The following DLGAP1 variants were observed in gnomAD, a reference collection of about 807,000 sequenced individuals.
The protein encoded by DLGAP1 is DLG associated protein 1, also known as disks large-associated protein 1.
A neutral mutation model predicts 90.8 loss-of-function variants in DLGAP1; 11 were observed. The ratio of observed to expected loss-of-function variants is 0.12; its 90% confidence interval spans 0.08 to 0.20. The LOEUF is 0.20. DLGAP1 is among the 10% of genes least tolerant of loss of function. The pLI is 1.00. For synonymous variants in DLGAP1, 558 were observed against 540.7 expected, an observed-to-expected ratio of 1.03 and a Z score of -0.44; for missense variants, 1,050 against 1,333.8, an observed-to-expected ratio of 0.79 and a Z score of 3.31.
At chr18:4,165,896 C>A (rs2076925174) in intron 1 of DLGAP1, among the ~76,000 whole-genome samples, 1 of 152,150 alleles carries the variant, frequency 6.6e-6, no homozygotes, top group South Asian at 2.1e-4. Flanking sequence ...GTGACTCATG[C>A]TTGTAATCTT....
At position 4,151,229 on chromosome 18, in the gene DLGAP1, C is replaced by T. The variant is rs947680935; in HGVS notation, c.-208G>A. 1 of 152,104 alleles carries T rather than the reference C, an allele frequency of 6.6e-6. No individual in the cohort carries two copies. The highest frequency in any genetic ancestry group is 2.4e-5 in the African/African-American group (1 of 41,416). The allele number at this position is 152,104 out of a possible 1,614,324, so 9.4% of individuals were successfully genotyped here. A position where few individuals can be genotyped will look rare whatever the true frequency, so the allele number is the denominator to read the frequency against. On this transcript the variant is annotated 5_prime_UTR_variant, in exon 2 of 13. Coordinates refer to ENST00000315677, the MANE Select transcript of DLGAP1 (RefSeq NM_004746.4). ...CCTTGCTTCCGAGTCAGGAAAAGAT[C>T]CAAATTGCAGGCTTTTTTTTAACCT...
At chr18:3,705,591 A>G (rs1416912060) in intron 7 of DLGAP1, among the ~76,000 whole-genome samples, 1 of 151,612 alleles carries the variant, frequency 6.6e-6, no homozygotes, top group East Asian at 1.9e-4. Context: ...ACACAATTCC[A>G]GACTCAAAAT....
Position 4,342,949 on chromosome 18 carries a change from C to T in DLGAP1, c.-267+112057G>A, listed in dbSNP as rs965003483. ...AAAATTTTTGGCTTTATAAAGCTCACGGATTATTTCAGATTCAGGATTGTA... is the reference window on the plus strand; with the variant it reads ...AAAATTTTTGGCTTTATAAAGCTCATGGATTATTTCAGATTCAGGATTGTA... On this transcript the variant is annotated intron_variant, in intron 1 of 12. Coordinates refer to ENST00000315677, the MANE Select transcript of DLGAP1 (RefSeq NM_004746.4). The surrounding 1 kb of genome is among the most constrained non-coding windows in gnomAD (Gnocchi z 5.8). Among the ~76,000 whole-genome samples, 4 of 152,038 alleles carry T rather than the reference C, an allele frequency of 2.6e-5. No homozygotes were observed. The highest frequency in any genetic ancestry group is 4.8e-5 in the African/African-American group (2 of 41,406).
intron 5 of DLGAP1, among the ~76,000 whole-genome samples, chr18:3,776,119 G>A (rs2148070234): frequency 6.6e-6 from 1 of 152,268 alleles, no homozygotes; most frequent in Admixed American, 6.5e-5. Flanking sequence ...AAAAGACGGG[G>A]AAGATGGTAA....
chr18:3,592,147 G>A (rs3879734), intron 7 of DLGAP1, among the ~76,000 whole-genome samples: 5,991 of 152,278 alleles, frequency 0.039, 161 homozygotes, highest in Non-Finnish European at 0.06. Context: ...AGCCAAAAAA[G>A]GAGGCCAGAG....
At chr18:4,186,169 G>A (rs536629992) in intron 1 of DLGAP1, among the ~76,000 whole-genome samples, 1 of 152,122 alleles carries the variant, frequency 6.6e-6, no homozygotes, top group South Asian at 2.1e-4. Context: ...TATAGATGCT[G>A]GATTTTAGAC....
At chr18:4,307,996 T>G (rs1020844205) in intron 1 of DLGAP1, among the ~76,000 whole-genome samples, 9 of 152,188 alleles carry the variant, frequency 5.9e-5, no homozygotes, top group Non-Finnish European at 8.8e-5. Context: ...ATTACGGGCA[T>G]GAGCCACCGT....
chr18:3,548,421 G>A (rs1771780992), intron 9 of DLGAP1, among the ~76,000 whole-genome samples: 1 of 150,546 alleles, frequency 6.6e-6, no homozygotes, highest in African/African-American at 2.4e-5. Flanking sequence ...GGAAAAGAAA[G>A]GAACTTCCTC....
intron 5 of DLGAP1, among the ~76,000 whole-genome samples, chr18:3,793,215 C>T (rs1244794111): frequency 6.6e-6 from 1 of 152,144 alleles, no homozygotes; most frequent in East Asian, 1.9e-4. Flanking sequence ...GATCCAATGG[C>T]CAGCTCTGTT....
intron 5 of DLGAP1, among the ~76,000 whole-genome samples, chr18:3,793,625 C>T (rs2065848273): frequency 6.6e-6 from 1 of 152,184 alleles, no homozygotes; most frequent in Non-Finnish European, 1.5e-5. Flanking sequence ...CCCATGCTGT[C>T]TGGCTCCCTT....
At chr18:4,092,424 C>T (rs2075785256) in intron 2 of DLGAP1, among the ~76,000 whole-genome samples, 1 of 152,202 alleles carries the variant, frequency 6.6e-6, no homozygotes, top group Non-Finnish European at 1.5e-5. Context: ...CTCCCAGTGT[C>T]AACCAAATTC....
At chr18:3,957,965 C>G (rs1452643133) in intron 3 of DLGAP1, among the ~76,000 whole-genome samples, 1 of 149,090 alleles carries the variant, frequency 6.7e-6, no homozygotes, top group South Asian at 2.1e-4. Flanking sequence ...GTGATCTCGG[C>G]TCACTGCAAC....
At chr18:3,965,206 C>A (rs903009440) in intron 3 of DLGAP1, among the ~76,000 whole-genome samples, 1 of 152,176 alleles carries the variant, frequency 6.6e-6, no homozygotes, top group South Asian at 2.1e-4. Context: ...AGCCTAGAAT[C>A]ACTGTCAAAA....
chr18:4,016,774 G>T lies in DLGAP1; in HGVS notation c.-158-11573C>A, dbSNP rs541437075. The stretch of plus-strand genomic sequence containing the variant: ...GCGGAGTCAGCACTGCAAGGGAGAA[G>T]GCAGGGCTCCTGAGCTCAGTTCAGG... On this transcript the variant is annotated intron_variant, in intron 2 of 12. Coordinates refer to ENST00000315677, the MANE Select transcript of DLGAP1 (RefSeq NM_004746.4). Among the ~76,000 whole-genome samples the T allele has an allele frequency of 5.3e-5, 8 of 152,304 alleles. No homozygotes were observed. The South Asian group carries it at 1.7e-3, about 32-fold the overall frequency.
intron 10 of DLGAP1, among the ~76,000 whole-genome samples, chr18:3,527,643 T>A (rs1267479078): frequency 6.6e-6 from 1 of 152,014 alleles, no homozygotes; most frequent in Non-Finnish European, 1.5e-5. Flanking sequence ...CAGGCTGGAG[T>A]GCAGTGGCAC....
chr18:3,793,789 C>T (rs1306747190), intron 5 of DLGAP1, among the ~76,000 whole-genome samples: 2 of 152,226 alleles, frequency 1.3e-5, no homozygotes, highest in East Asian at 1.9e-4. Flanking sequence ...ATGCCCCACT[C>T]TGCGACCCCC....
chr18:3,811,525 G>A (rs1323001079), intron 5 of DLGAP1, among the ~76,000 whole-genome samples: 1 of 152,184 alleles, frequency 6.6e-6, no homozygotes, highest in Non-Finnish European at 1.5e-5. Context: ...TTTAGTAGGT[G>A]TTCTCCTGTC....
intron 1 of DLGAP1, among the ~76,000 whole-genome samples, chr18:4,153,498 C>G (rs565552891): frequency 2.6e-5 from 4 of 152,182 alleles, no homozygotes; most frequent in Non-Finnish European, 5.9e-5. Flanking sequence ...TTCCTTACCC[C>G]AAGTGTCCCT....
intron 1 of DLGAP1, among the ~76,000 whole-genome samples, chr18:4,354,388 G>A (rs549133285): frequency 1.3e-5 from 2 of 152,266 alleles, no homozygotes; most frequent in Non-Finnish European, 2.9e-5. Context: ...AAGACGGAAT[G>A]CCACACAGAG....
Sources: gnomAD v4.1 joint callset for allele counts (sites outside exome capture counted in the v4.1 genomes callset) on GRCh38, gnomAD v4.1.1 for gene constraint, Gnocchi (gnomAD v3.1) non-coding constraint, MANE v1.5 for transcripts, NCBI Gene and HGNC (gene_info 2026-07-23, HGNC 2026-07-21) for gene names.